The following DCDC1 variants were observed in gnomAD, a reference collection of about 807,000 sequenced individuals.
The protein encoded by DCDC1 is doublecortin domain containing 1, also known as doublecortin domain-containing protein 1.
A neutral mutation model predicts 178.3 loss-of-function variants in DCDC1; 200 were observed. The observed-to-expected ratio is 1.12, with a 90% confidence interval of 1.00 to 1.26. DCDC1 has a LOEUF of 1.26. Among genes scored for constraint, DCDC1 ranks in the 50% most tolerant of loss-of-function variants. The probability of loss-of-function intolerance (pLI) is 0.00; values close to 1 mark genes in which losing one functional copy is unlikely to be tolerated. For synonymous variants in DCDC1, 690 were observed against 604.8 expected (o/e 1.14, Z -2.07); for missense variants, 1,983 against 1,749.2 (o/e 1.13, Z -2.38).
At chr11:31,328,810 CAA>C (rs11321441) in intron 2 of DCDC1, among the ~76,000 whole-genome samples, 31 of 61,568 alleles carry the variant, frequency 5.0e-4, no homozygotes, top group African/African-American at 7.3e-4. Context: ...GACTACATCT[CAA>C]AAAAAAAAAA....
At chr11:31,176,595 A>G (rs1267375456) in intron 9 of DCDC1, among the ~76,000 whole-genome samples, 1 of 152,206 alleles carries the variant, frequency 6.6e-6, no homozygotes, top group African/African-American at 2.4e-5. Context: ...TGCCAGGCAC[A>G]TTATAATTAA....
chr11:31,218,896 A>G (rs971459872), intron 9 of DCDC1, among the ~76,000 whole-genome samples: 1 of 152,140 alleles, frequency 6.6e-6, no homozygotes, highest in African/African-American at 2.4e-5. Context: ...TAGATATGTA[A>G]TTTTGCTGAA....
intron 27 of DCDC1, among the ~76,000 whole-genome samples, chr11:30,911,720 G>T (rs1945461821): frequency 1.3e-5 from 2 of 152,094 alleles, no homozygotes; most frequent in Non-Finnish European, 2.9e-5. Context: ...CAGGAAGCAG[G>T]TCTCCTGGGA....
intron 1 of DCDC1, among the ~76,000 whole-genome samples, chr11:31,352,191 C>T (rs1337304676): frequency 6.6e-6 from 1 of 152,084 alleles, no homozygotes; most frequent in Non-Finnish European, 1.5e-5. Flanking sequence ...CAAAACAGTG[C>T]TCTAGGGCTT....
At position 30,864,869 on chromosome 11, in the gene DCDC1, T is replaced by C. The variant is rs1451264365; in HGVS notation, c.*504A>G. 2 of 152,240 alleles carry C rather than the reference T, an allele frequency of 1.3e-5. No individual in the cohort carries two copies. The highest frequency in any genetic ancestry group is 2.9e-5 in the Non-Finnish European group (2 of 68,046). 9.4% of individuals were successfully genotyped at this position (152,240 alleles called of 1,614,324 possible). A position where few individuals can be genotyped will look rare whatever the true frequency, so the allele number is the denominator to read the frequency against. ...CTCTCGATTATGGTATGTCATACTATGAATTTATGGATATATTGTCTCATT... is the reference window on the plus strand; with the variant it reads ...CTCTCGATTATGGTATGTCATACTACGAATTTATGGATATATTGTCTCATT... On this transcript the variant is annotated 3_prime_UTR_variant, in exon 39 of 39. Coordinates refer to ENST00000684477, the MANE Select transcript of DCDC1 (RefSeq NM_001387274.1).
intron 11 of DCDC1, among the ~76,000 whole-genome samples, chr11:31,117,035 TA>T (rs2135853116): frequency 6.6e-6 from 1 of 152,292 alleles, no homozygotes; most frequent in African/African-American, 2.4e-5. Flanking sequence ...CCAAAGACTC[TA>T]ACCTCAAAAT....
intron 18 of DCDC1, among the ~76,000 whole-genome samples, chr11:31,071,916 AGT>A: frequency 6.6e-6 from 1 of 152,348 alleles, no homozygotes; most frequent in Non-Finnish European, 1.5e-5. Context: ...AACCTGAGTT[AGT>A]CTCACAAGTA....
chr11:30,898,950 A>G (rs1031811168), intron 34 of DCDC1, among the ~76,000 whole-genome samples: 1 of 152,156 alleles, frequency 6.6e-6, no homozygotes, highest in African/African-American at 2.4e-5. Context: ...GGAATAGTAT[A>G]GGGTCAGAAA....
chr11:31,281,141 G>C (rs959942132), intron 7 of DCDC1, among the ~76,000 whole-genome samples: 1 of 152,054 alleles, frequency 6.6e-6, no homozygotes, highest in Admixed American at 6.6e-5. Flanking sequence ...AGTTCTACTA[G>C]CTTTTATGTA....
At chr11:31,222,328 T>C (rs1270818812) in intron 9 of DCDC1, among the ~76,000 whole-genome samples, 3 of 152,124 alleles carry the variant, frequency 2.0e-5, no homozygotes, top group Admixed American at 2.0e-4. Context: ...CCTCCCAAAG[T>C]GCTAGGATTA....
intron 20 of DCDC1, among the ~76,000 whole-genome samples, chr11:31,034,039 G>A (rs1251516241): frequency 1.3e-5 from 2 of 151,366 alleles, no homozygotes; most frequent in Non-Finnish European, 2.9e-5. Flanking sequence ...AGCTACTCAG[G>A]AGGCTTAGGT....
intron 20 of DCDC1, among the ~76,000 whole-genome samples, chr11:31,007,377 C>A (rs1245835936): frequency 6.6e-6 from 1 of 152,104 alleles, no homozygotes; most frequent in Admixed American, 6.5e-5. Flanking sequence ...GAAATGAGAC[C>A]ATTGAAGCAT....
intron 18 of DCDC1, 59 bp from the exon 19 acceptor site, chr11:31,065,212 C>T (rs1480550669): frequency 1.6e-6 from 1 of 616,834 alleles, no homozygotes; most frequent in Non-Finnish European, 2.9e-6. Flanking sequence ...GCCAAAAATC[C>T]ATCCAACTGG....
intron 7 of DCDC1, among the ~76,000 whole-genome samples, chr11:31,274,483 G>C (rs1240555167): frequency 6.6e-6 from 1 of 151,914 alleles, no homozygotes; most frequent in Non-Finnish European, 1.5e-5. Context: ...AGATAAACTG[G>C]ATTTATCTGG....
At chr11:31,309,695 G>T (rs1948656979) in intron 3 of DCDC1, among the ~76,000 whole-genome samples, 1 of 151,934 alleles carries the variant, frequency 6.6e-6, no homozygotes, top group South Asian at 2.1e-4. Context: ...TTTAATGAAT[G>T]TATTTTTTTC....
At chr11:31,181,170 T>TC (rs1968748120) in intron 9 of DCDC1, among the ~76,000 whole-genome samples, 2 of 152,038 alleles carry the variant, frequency 1.3e-5, no homozygotes, top group Non-Finnish European at 2.9e-5. Context: ...CCTAGATTCC[T>TC]CCTCTCTGGG....
chr11:31,263,566 T>G (rs1386081200), intron 8 of DCDC1, among the ~76,000 whole-genome samples: 1 of 152,214 alleles, frequency 6.6e-6, no homozygotes, highest in Non-Finnish European at 1.5e-5. Flanking sequence ...AAAAACATTT[T>G]TTAAAAGGCC....
At chr11:31,333,799 G>A (rs1185582459) in intron 2 of DCDC1, among the ~76,000 whole-genome samples, 4 of 152,074 alleles carry the variant, frequency 2.6e-5, no homozygotes, top group Non-Finnish European at 4.4e-5. Context: ...TTTCTCTCTG[G>A]CTGCCCTTAA....
At chr11:31,272,288 AAT>A (rs1183528910) in intron 7 of DCDC1, among the ~76,000 whole-genome samples, 1 of 152,188 alleles carries the variant, frequency 6.6e-6, no homozygotes, top group African/African-American at 2.4e-5. Flanking sequence ...ATGGAAATTC[AAT>A]ATGAGATTTG....
Sources: gnomAD v4.1 joint callset for allele counts (sites outside exome capture counted in the v4.1 genomes callset) on GRCh38, gnomAD v4.1.1 for gene constraint, MANE v1.5 for transcripts, NCBI Gene and HGNC (gene_info 2026-07-23, HGNC 2026-07-21) for gene names.